G3BP1: variants seen among roughly 807,000 people sequenced by gnomAD.
The protein encoded by G3BP1 is ras GTPase-activating protein-binding protein 1.
G3BP1 carries 35 observed loss-of-function variants against 58.6 expected under a neutral mutation model. The ratio of observed to expected loss-of-function variants is 0.60; its 90% CI spans 0.46 to 0.79. The LOEUF (loss-of-function observed/expected upper bound fraction) is 0.79, where lower values mean the gene tolerates loss of function less well. G3BP1 is among the 30% of genes least tolerant of loss of function. The pLI, the probability that G3BP1 is intolerant of heterozygous loss-of-function variation, is 0.00. For missense variants in G3BP1, 523 were observed against 580.8 expected (o/e 0.90, Z 1.02); for synonymous variants, 191 against 195.4 (o/e 0.98, Z 0.19).
intron 11 of G3BP1, among the ~76,000 whole-genome samples, chr5:151,801,204 CTAAGA>C (rs1762843522): frequency 6.6e-6 from 1 of 152,154 alleles, no homozygotes; most frequent in African/African-American, 2.4e-5. Flanking sequence ...TAACTATTAA[CTAAGA>C]TAAGAGCCAG....
intron 1 of G3BP1, among the ~76,000 whole-genome samples, chr5:151,774,926 T>A (rs774400092): frequency 5.5e-4 from 68 of 123,316 alleles, no homozygotes; most frequent in Non-Finnish European, 1.1e-3. Flanking sequence ...AAATCAGCTA[T>A]TTACTTTTTT....
rs201065158 is a variant in G3BP1 at position 151,795,510 on chromosome 5, A to G, written c.474A>G (p.Glu158=). The change falls in exon 6 of 12, where the codon GAA becomes GAG. Residue 158 remains glutamate, a synonymous_variant. Coordinates refer to ENST00000356245, the MANE Select transcript of G3BP1 (RefSeq NM_005754.3). ...ESEEEVEEPE[E]RQQTPEVVPD... ...AAGAAGAAGTAGAGGAACCTGAAGA[A>G]AGACAGCAAACACCTGAGGTGGTAC... is the stretch of plus-strand genomic sequence containing the variant. The G allele has an allele frequency of 1.0e-5, 16 of 1,602,842 alleles. No individual in the cohort carries two copies. Among genetic ancestry groups the G allele is most frequent in the Non-Finnish European group, 1.4e-5 (16 of 1,170,436 alleles).
At chr5:151,779,477 T>C (rs1042885396) in intron 1 of G3BP1, among the ~76,000 whole-genome samples, 2 of 152,222 alleles carry the variant, frequency 1.3e-5, no homozygotes, top group Non-Finnish European at 2.9e-5. Flanking sequence ...TCCATGTGGA[T>C]ATGTTAGTGA....
chr5:151,784,726 A>G (rs1177722044), intron 1 of G3BP1, among the ~76,000 whole-genome samples: 2 of 152,030 alleles, frequency 1.3e-5, no homozygotes, highest in South Asian at 2.1e-4. Context: ...GGAAGTACAT[A>G]TTTAGTCATG....
Position 151,807,879 on chromosome 5 carries a change from A to C in G3BP1, c.*3788A>C, listed in dbSNP as rs1459910184. The stretch of plus-strand genomic sequence containing the variant: ...TTAAATGGTTGCATTTGTCAAATCT[A>C]TAAAGATGTTTTTTATATTGCAGTT... On this transcript the variant is annotated 3_prime_UTR_variant, in exon 12 of 12. Transcript: ENST00000356245. 1.3e-5 allele frequency: 2 copies of C among 152,246 alleles called. No individual in the cohort carries two copies. Among genetic ancestry groups the C allele is most frequent in the Non-Finnish European group, 2.9e-5 (2 of 68,042 alleles). The allele number at this position is 152,246 out of a possible 1,614,324, so 9.4% of individuals were successfully genotyped here.
intron 1 of G3BP1, among the ~76,000 whole-genome samples, chr5:151,773,271 T>C (rs1762307294): frequency 6.6e-6 from 1 of 152,186 alleles, no homozygotes; most frequent in South Asian, 2.1e-4. Context: ...AAGATCTCAC[T>C]AGCATCTGTG....
At chr5:151,782,748 T>G (rs1762488402) in intron 1 of G3BP1, among the ~76,000 whole-genome samples, 1 of 152,132 alleles carries the variant, frequency 6.6e-6, no homozygotes, top group Non-Finnish European at 1.5e-5. Context: ...CATACATTTT[T>G]TAAAAAAATT....
intron 1 of G3BP1, among the ~76,000 whole-genome samples, chr5:151,784,676 T>A (rs1210417725): frequency 6.6e-6 from 1 of 152,316 alleles, no homozygotes; most frequent in Non-Finnish European, 1.5e-5. Context: ...AGATTTTTTT[T>A]AAATAGTGAA....
In G3BP1 at chr5:151,786,594, T is replaced by TC. The variant is rs1762558489; in HGVS notation, c.-21dup. 1 of 1,465,022 alleles carries TC rather than the reference T, an allele frequency of 6.8e-7. No individual in the cohort carries two copies. Among genetic ancestry groups the TC allele is most frequent in the Non-Finnish European group, 9.6e-7 (1 of 1,044,380 alleles). The allele number at this position is 1,465,022 out of a possible 1,614,324, so 90.8% of individuals were successfully genotyped here. On this transcript the variant is annotated 5_prime_UTR_variant, in exon 2 of 12. Coordinates refer to ENST00000356245, the MANE Select transcript of G3BP1 (RefSeq NM_005754.3). The stretch of plus-strand genomic sequence containing the variant: ...CAGGTTTGGACATATTTGACTCTTT[T>TC]CCCCCCAGGTTGAATTGACCAAAGC...
rs1309351166 is a variant in G3BP1, at chr5:151,807,800, C to CT, written c.*3714dup. Reference sequence around the variant, plus strand: ...GGCCATTTTAGAACTTACAGGTAACCTTTTTGAAGAGCTTAGATTTGTAGA... The same window carrying CT: ...GGCCATTTTAGAACTTACAGGTAACCTTTTTTGAAGAGCTTAGATTTGTAGA... On this transcript the variant is annotated 3_prime_UTR_variant, in exon 12 of 12. Coordinates refer to ENST00000356245, the MANE Select transcript of G3BP1 (RefSeq NM_005754.3). 1.3e-5 allele frequency: 2 copies of CT among 152,094 alleles called. No homozygotes were observed. Among genetic ancestry groups the CT allele is most frequent in the Admixed American group, 6.6e-5 (1 of 15,266 alleles). The allele number at this position is 152,094 out of a possible 1,614,324, so 9.4% of individuals were successfully genotyped here.
intron 1 of G3BP1, among the ~76,000 whole-genome samples, chr5:151,780,183 C>T (rs553177895): frequency 6.6e-6 from 1 of 152,220 alleles, no homozygotes; most frequent in African/African-American, 2.4e-5. Context: ...TTATTAATTG[C>T]ATTTTCCTGG....
At chr5:151,782,442 G>C (rs1452200065) in intron 1 of G3BP1, among the ~76,000 whole-genome samples, 1 of 152,078 alleles carries the variant, frequency 6.6e-6, no homozygotes, top group Non-Finnish European at 1.5e-5. Context: ...TCTTAAATTT[G>C]GATGGTTCAG....
chr5:151,785,009 A>G (rs1315449441), intron 1 of G3BP1, among the ~76,000 whole-genome samples: 3 of 152,224 alleles, frequency 2.0e-5, no homozygotes, highest in African/African-American at 7.2e-5. Flanking sequence ...TCAAAGTAGA[A>G]TGTTTGGAAA....
At chr5:151,795,776 A>G (rs10074385) in intron 6 of G3BP1, among the ~76,000 whole-genome samples, 30,518 of 152,156 alleles carry the variant, frequency 0.2, 3,590 homozygotes, top group African/African-American at 0.33. Flanking sequence ...TATGAAGGCA[A>G]TCTACTATTG....
In G3BP1 at chr5:151,771,977, GT is replaced by G. The variant is rs1390484885; in HGVS notation, c.-106del. The G allele has an allele frequency of 6.6e-6, 1 of 152,480 alleles. No individual in the cohort carries two copies. Among genetic ancestry groups the G allele is most frequent in the Non-Finnish European group, 1.5e-5 (1 of 68,236 alleles). The allele number at this position is 152,480 out of a possible 1,614,324, so 9.4% of individuals were successfully genotyped here. ...GTGTGCGGACGCAGTTGCGTGAGGG[GT>G]TTGTACTATCCTCGGTGCTGTGGTG... On this transcript the variant is annotated 5_prime_UTR_variant, in exon 1 of 12. Coordinates refer to ENST00000356245, the MANE Select transcript of G3BP1 (RefSeq NM_005754.3).
intron 11 of G3BP1, among the ~76,000 whole-genome samples, chr5:151,801,843 C>T (rs1272179131): frequency 1.3e-5 from 2 of 149,626 alleles, no homozygotes; most frequent in African/African-American, 2.5e-5. Flanking sequence ...GAGACAGTGT[C>T]TCTCTCTGCC....
At position 151,782,938 on chromosome 5, in the gene G3BP1, A is replaced by G. The variant is rs189044227; in HGVS notation, c.-49-3634A>G. ...AGTGGCGTGATCTCGGCTCACTGCA[A>G]CCTCCGTCTGCTAGGTTCAAGCGAT... is the stretch of plus-strand genomic sequence containing the variant. On this transcript the variant is annotated intron_variant, in intron 1 of 11. Coordinates refer to ENST00000356245, the MANE Select transcript of G3BP1 (RefSeq NM_005754.3). 6.7e-3 allele frequency among the ~76,000 whole-genome samples: 967 copies of G among 143,318 alleles called. 11 individuals are homozygous for G. Among genetic ancestry groups the G allele is most frequent in the African/African-American group, 0.024 (900 of 38,020 alleles). 94.0% of individuals were successfully genotyped at this position (143,318 alleles called of 152,430 possible).
chr5:151,795,015 C>T (rs190683325), intron 5 of G3BP1, among the ~76,000 whole-genome samples: 1 of 152,318 alleles, frequency 6.6e-6, no homozygotes, highest in African/African-American at 2.4e-5. Flanking sequence ...CGGTGGCTCA[C>T]GCCTGTAATT....
chr5:151,786,335 C>T (rs748145893), intron 1 of G3BP1, among the ~76,000 whole-genome samples: 2 of 152,130 alleles, frequency 1.3e-5, no homozygotes, highest in South Asian at 2.1e-4. Context: ...GAAATATATA[C>T]CTTTGAGGTT....
Sources: gnomAD v4.1 joint callset for allele counts (sites outside exome capture counted in the v4.1 genomes callset) on GRCh38, gnomAD v4.1.1 for gene constraint, MANE v1.5 for transcripts, NCBI Gene and HGNC (gene_info 2026-07-23, HGNC 2026-07-21) for gene names.